Variants in TSPEAR observed in about 807,000 individuals in gnomAD.
TSPEAR encodes the protein thrombospondin-type laminin G domain and EAR repeat-containing protein.
TSPEAR carries 69 observed loss-of-function variants against 71.6 expected under a neutral mutation model. The observed-to-expected ratio is 0.96, with a 90% CI of 0.79 to 1.18. The LOEUF is 1.18. Ranked by LOEUF, TSPEAR falls within the 50% of genes most tolerant of loss-of-function variation. The pLI is 0.00. For missense variants in TSPEAR, 971 were observed against 894.9 expected (o/e 1.09, Z -1.09); for synonymous variants, 402 against 387.2 (o/e 1.04, Z -0.45).
intron 1 of TSPEAR, chr21:44,658,147 G>T: frequency 6.2e-7 from 1 of 1,614,128 alleles, no homozygotes; most frequent in Non-Finnish European, 8.5e-7. Flanking sequence ...CCGTGTGCGT[G>T]CCCGTGAGCT....
At chr21:44,683,336 A>G (rs1307370007) in intron 1 of TSPEAR, among the ~76,000 whole-genome samples, 1 of 152,180 alleles carries the variant, frequency 6.6e-6, no homozygotes, top group Non-Finnish European at 1.5e-5. Context: ...CAGAGTCTGT[A>G]AATGCATTAT....
chr21:44,659,371 ATACACCCTAAGCACAAGCGG>A (rs1985365147), intron 1 of TSPEAR, among the ~76,000 whole-genome samples: 2 of 62,356 alleles, frequency 3.2e-5, no homozygotes, highest in Admixed American at 1.8e-4. Flanking sequence ...ACAAGCACTG[ATACACCCTAAGCACAAGCGG>A]TTGGTGCACT....
At chr21:44,664,654 C>CA (rs1475240995) in intron 1 of TSPEAR, among the ~76,000 whole-genome samples, 1 of 152,234 alleles carries the variant, frequency 6.6e-6, no homozygotes, top group Non-Finnish European at 1.5e-5. Context: ...TAGCTGATTT[C>CA]AAGACCTACT....
At chr21:44,587,069 C>T (rs1222013398) in intron 1 of TSPEAR, among the ~76,000 whole-genome samples, 2 of 152,146 alleles carry the variant, frequency 1.3e-5, no homozygotes, top group Admixed American at 1.3e-4. Context: ...AAATAAAAGG[C>T]ATCCAAATCG....
At chr21:44,573,961 G>T in intron 1 of TSPEAR, 1 of 1,612,152 alleles carries the variant, frequency 6.2e-7, no homozygotes, top group Non-Finnish European at 8.5e-7. Flanking sequence ...AGCCCCTGCT[G>T]CCCAGTGACC....
Position 44,551,980 on chromosome 21 carries a change from C to A in TSPEAR, c.303+15805G>T, listed in dbSNP as rs140460551. On this transcript the variant is annotated intron_variant, in intron 2 of 11. Transcript: ENST00000323084. ...AGCGCTTCCTGGCGGGCTCTGGGATCTTCTGAGATCCTGATGTCTGCCAAG... is the reference window on the plus strand; with the variant it reads ...AGCGCTTCCTGGCGGGCTCTGGGATATTCTGAGATCCTGATGTCTGCCAAG... 6.9e-4 allele frequency among the ~76,000 whole-genome samples: 105 copies of A among 152,344 alleles called. No individual in the cohort carries two copies. In the Middle Eastern group the frequency reaches 0.014, roughly 20 times the overall value.
intron 1 of TSPEAR, chr21:44,702,097 A>T: frequency 1.2e-6 from 1 of 861,910 alleles, no homozygotes; most frequent in Non-Finnish European, 1.7e-6. Context: ...AGAGGGAGGC[A>T]GGGAAACTTC....
intron 1 of TSPEAR, among the ~76,000 whole-genome samples, chr21:44,680,307 C>G (rs1352040821): frequency 2.6e-5 from 4 of 152,096 alleles, no homozygotes; most frequent in Admixed American, 1.3e-4. Context: ...CATCACTAAT[C>G]ATCAGGGAAC....
chr21:44,658,248 G>A lies in TSPEAR; in HGVS notation c.82+53185C>T, dbSNP rs1555942987. ...ACTGCCCTCTGCAGACCCATCTCCT[G>A]CAGCACCCCTTCCTGCTGCTGACCA... On this transcript the variant is annotated intron_variant, in intron 1 of 11. Transcript: ENST00000323084. The A allele has an allele frequency of 1.2e-6, 2 of 1,613,670 alleles. No individual in the cohort carries two copies. The highest frequency in any genetic ancestry group is 3.3e-5 in the Admixed American group (2 of 59,994).
At chr21:44,620,810 C>T (rs766926950) in intron 1 of TSPEAR, among the ~76,000 whole-genome samples, 3 of 152,180 alleles carry the variant, frequency 2.0e-5, no homozygotes, top group Non-Finnish European at 4.4e-5. Context: ...ATCAATTTCC[C>T]TCTATGTACT....
chr21:44,584,028 AG>A (rs1403457282), intron 1 of TSPEAR, among the ~76,000 whole-genome samples: 1 of 152,208 alleles, frequency 6.6e-6, no homozygotes, highest in Non-Finnish European at 1.5e-5. Flanking sequence ...TAAAGCACAC[AG>A]TTCTTGCACA....
chr21:44,651,980 T>C (rs13047121), intron 1 of TSPEAR, among the ~76,000 whole-genome samples: 3 of 46,458 alleles, frequency 6.5e-5, no homozygotes, highest in Non-Finnish European at 1.4e-4. Context: ...TAAAACTTTC[T>C]TTTTTTTTTT....
chr21:44,677,645 G>T, intron 1 of TSPEAR: 2 of 1,217,268 alleles, frequency 1.6e-6, no homozygotes, highest in Non-Finnish European at 2.4e-6. Flanking sequence ...GAACCCCAGG[G>T]ACCAACACTG....
intron 2 of TSPEAR, among the ~76,000 whole-genome samples, chr21:44,563,812 G>A (rs587678662): frequency 4.6e-5 from 7 of 152,274 alleles, no homozygotes; most frequent in South Asian, 2.1e-4. Context: ...ACATATAGTC[G>A]AGTGTTATAT....
intron 1 of TSPEAR, among the ~76,000 whole-genome samples, chr21:44,650,424 G>GGCAGAGACTGGGGCCACGTGACGATGGCA (rs1555941201): frequency 2.6e-5 from 4 of 152,236 alleles, no homozygotes; most frequent in African/African-American, 4.8e-5. Flanking sequence ...TGACGACGGC[G>GGCAGAGACTGGGGCCACGTGACGATGGCA]GCAGAGACTG....
intron 1 of TSPEAR, among the ~76,000 whole-genome samples, chr21:44,581,947 A>G (rs1262897120): frequency 6.6e-6 from 1 of 152,232 alleles, no homozygotes; most frequent in Non-Finnish European, 1.5e-5. Context: ...TTCTACAAAT[A>G]TATAAAGGAT....
At chr21:44,632,043 A>C (rs74619164) in intron 1 of TSPEAR, among the ~76,000 whole-genome samples, 2,447 of 152,280 alleles carry the variant, frequency 0.016, 78 homozygotes, top group African/African-American at 0.056. Flanking sequence ...ATATCACTGA[A>C]CGGTACACTT....
intron 1 of TSPEAR, among the ~76,000 whole-genome samples, chr21:44,598,064 C>A (rs1980485189): frequency 6.6e-6 from 1 of 152,020 alleles, no homozygotes; most frequent in Non-Finnish European, 1.5e-5. Context: ...ATTCCTAGTA[C>A]CCCCGCCCCC....
At chr21:44,656,988 C>A (rs1314757408) in intron 1 of TSPEAR, among the ~76,000 whole-genome samples, 2 of 152,102 alleles carry the variant, frequency 1.3e-5, no homozygotes, top group Non-Finnish European at 2.9e-5. Flanking sequence ...TTCTTGGGTC[C>A]TCATGATCTG....
Sources: gnomAD v4.1 joint callset for allele counts (sites outside exome capture counted in the v4.1 genomes callset) on GRCh38, gnomAD v4.1.1 for gene constraint, MANE v1.5 for transcripts, NCBI Gene and HGNC (gene_info 2026-07-23, HGNC 2026-07-21) for gene names.